The following DIS3 variants were observed in gnomAD, a reference collection of about 807,000 sequenced individuals.
The protein encoded by DIS3 is DIS3 exosome endoribonuclease and 3'-5' exoribonuclease.
A neutral mutation model predicts 113.0 loss-of-function variants in DIS3; 103 were observed. The observed-to-expected ratio is 0.91, with a 90% CI of 0.78 to 1.07. The LOEUF (loss-of-function observed/expected upper bound fraction) is 1.07, where lower values mean the gene tolerates loss of function less well. Ranked by LOEUF, DIS3 falls within the 50% of genes least tolerant of loss-of-function variation. The pLI is 0.00. For missense variants in DIS3, 1,121 were observed against 1,167.1 expected (o/e 0.96, Z 0.58); for synonymous variants, 402 against 394.3 (o/e 1.02, Z -0.23).
rs1346015018 is a variant in DIS3, at chr13:72,781,329, A to G, written c.228+276T>C. ...CGCAGGCTGGAGGCCACAGAAGCCC[A>G]GGTCCCCGGCCTCCAGGCACTTACA... On this transcript the variant is annotated intron_variant, in intron 1 of 20. Coordinates refer to ENST00000377767, the MANE Select transcript of DIS3 (RefSeq NM_014953.5). 1.5e-5 allele frequency: 23 copies of G among 1,551,254 alleles called. No individual in the cohort carries two copies. In the East Asian group the frequency reaches 5.6e-4, roughly 38 times the overall value.
rs760604024 is a variant in DIS3, at chr13:72,781,676, G to T, written c.157C>A (p.Gln53Lys). ...GGGCAGACGCTGCTCGCCGGGTCCT[G>T]GGGCTGCGGCTCCAGGGCCGGCCCC... Reference protein sequence around the residue: ...HEGPALEPQPQDPASSVCPQP... With the variant: ...HEGPALEPQPKDPASSVCPQP... Residue 53 changes from glutamine (Q) to lysine (K), a missense_variant, in exon 1 of 21, where the codon CAG becomes AAG. Transcript: ENST00000377767. 1.3e-6 allele frequency: 2 copies of T among 1,551,990 alleles called. No individual in the cohort carries two copies. The highest frequency in any genetic ancestry group is 2.7e-5 in the African/African-American group (2 of 73,366).
chr13:72,760,222 C>G (rs1321616310), intron 20 of DIS3, among the ~76,000 whole-genome samples: 4 of 152,138 alleles, frequency 2.6e-5, no homozygotes, highest in Non-Finnish European at 4.4e-5. Context: ...GAACCAGTAT[C>G]TTAGGTGAAA....
intron 15 of DIS3, 93 bp downstream of exon 15, chr13:72,765,879 T>C (rs970337213): frequency 5.9e-6 from 5 of 843,910 alleles, no homozygotes; most frequent in East Asian, 5.8e-5. Flanking sequence ...ATCATTATTT[T>C]GTATATAAAC....
chr13:72,771,521 T>C (rs1179296064), intron 11 of DIS3, among the ~76,000 whole-genome samples: 7 of 152,160 alleles, frequency 4.6e-5, no homozygotes, highest in Non-Finnish European at 8.8e-5. Context: ...AAGGTGTTTT[T>C]AAAATACTAA....
In DIS3 at chr13:72,762,421, G is replaced by GA. The variant is rs763488759; in HGVS notation, c.2128-285dup. Among the ~76,000 whole-genome samples, 5 of 152,232 alleles carry GA rather than the reference G, an allele frequency of 3.3e-5. No homozygotes were observed. The East Asian group carries it at 5.8e-4, about 18-fold the overall frequency. ...CTTTGGAAGAAATAAGACAATGAAGGAAAAAATCCCTATTTACAGATTAAG... is the reference window on the plus strand; with the variant it reads ...CTTTGGAAGAAATAAGACAATGAAGGAAAAAAATCCCTATTTACAGATTAAG... On this transcript the variant is annotated intron_variant, in intron 16 of 20. Transcript: ENST00000377767.
At position 72,755,084 on chromosome 13, in the gene DIS3, C is replaced by G; in HGVS notation, c.*4711G>C. On this transcript the variant is annotated 3_prime_UTR_variant, in exon 21 of 21. Coordinates refer to ENST00000377767, the MANE Select transcript of DIS3 (RefSeq NM_014953.5). The stretch of plus-strand genomic sequence containing the variant: ...CGTGCTTTTAGGTTTTAAAAACAGT[C>G]CCGATAATTGCATCCTCCAGTGGTC... The G allele has an allele frequency of 7.4e-7, 1 of 1,356,212 alleles. No homozygotes were observed. The highest frequency in any genetic ancestry group is 1.1e-6 in the Non-Finnish European group (1 of 950,538). 84.0% of individuals were successfully genotyped at this position (1,356,212 alleles called of 1,614,324 possible).
At chr13:72,771,661 C>T (rs192919075) in intron 11 of DIS3, 134 bp downstream of exon 11, 15 of 756,386 alleles carry the variant, frequency 2.0e-5, no homozygotes, top group East Asian at 1.1e-4. Flanking sequence ...TTGAACCACT[C>T]GATAACAAAA....
In DIS3 at chr13:72,776,030, T is replaced by G; in HGVS notation, c.717A>C (p.Gln239His). ...SEHLPLSKLQ[Q>H]GIKSGTYLQG... ...GAAGGTATGTACCAGATTTTATGCC[T>G]TGCTGTAGCTTACTTAAGGGAAGAT... The change falls in exon 5 of 21, where the codon CAA becomes CAC. Residue 239 changes from glutamine to histidine, a missense_variant. Gln to His is a conservative substitution (Grantham distance 24). This residue lies in a region of DIS3 where 861 missense variants were observed against 915.5 expected (regional missense o/e 0.94). Transcript: ENST00000377767. 1 of 1,609,070 alleles carries G rather than the reference T, an allele frequency of 6.2e-7. No individual in the cohort carries two copies. The highest frequency in any genetic ancestry group is 1.1e-5 in the South Asian group (1 of 89,582).
At chr13:72,764,988 A>G (rs1412458318) in intron 15 of DIS3, among the ~76,000 whole-genome samples, 1 of 152,200 alleles carries the variant, frequency 6.6e-6, no homozygotes, top group Admixed American at 6.5e-5. Context: ...ACGCAAGCAC[A>G]TATTTACTCT....
At chr13:72,771,714 T>A in intron 11 of DIS3, 81 bp downstream of exon 11, 1 of 1,343,578 alleles carries the variant, frequency 7.4e-7, no homozygotes, top group Non-Finnish European at 1.0e-6. Flanking sequence ...TTATTCCATG[T>A]ATTTTTCTTA....
At position 72,760,741 on chromosome 13, in the gene DIS3, G is replaced by A. The variant is rs1214969143; in HGVS notation, c.2671-90C>T. The A allele has an allele frequency of 4.8e-6, 7 of 1,443,358 alleles. No individual in the cohort carries two copies. The African/African-American group carries it at 7.2e-5, about 15-fold the overall frequency. The allele number at this position is 1,443,358 out of a possible 1,614,324, so 89.4% of individuals were successfully genotyped here. ...TTACAATTTATCTTACATAGTAGAAGTTTAAATATAAAAATTAGTAAGCAT... is the reference window on the plus strand; with the variant it reads ...TTACAATTTATCTTACATAGTAGAAATTTAAATATAAAAATTAGTAAGCAT... On this transcript the variant is annotated intron_variant, in intron 19 of 20. Transcript: ENST00000377767.
In DIS3 at chr13:72,772,859, T is replaced by C. The variant is rs776878655; in HGVS notation, c.1240-20A>G. On this transcript the variant is annotated intron_variant, in intron 8 of 20. Transcript: ENST00000377767. ...GTGTCCCTGAAACCAAGAGGCATTA[T>C]TAGAAACGCCTATTTTATAGCAAAT... is the stretch of plus-strand genomic sequence containing the variant. 7.0e-6 allele frequency: 11 copies of C among 1,570,990 alleles called. No individual in the cohort carries two copies. The highest frequency in any genetic ancestry group is 2.3e-5 in the East Asian group (1 of 44,046).
At chr13:72,778,691 T>C (rs538404021) in intron 2 of DIS3, among the ~76,000 whole-genome samples, 4 of 152,292 alleles carry the variant, frequency 2.6e-5, no homozygotes, top group African/African-American at 9.6e-5. Flanking sequence ...CACTAAATAA[T>C]AGTTTGTTGA....
intron 5 of DIS3, among the ~76,000 whole-genome samples, 158 bp from the exon 6 acceptor site, chr13:72,775,533 C>T (rs2033993099): frequency 6.6e-6 from 1 of 152,014 alleles, no homozygotes; most frequent in Non-Finnish European, 1.5e-5. Context: ...TCCCTAATTC[C>T]ACAACTTTAA....
chr13:72,776,632 A>G (rs2034024044), intron 4 of DIS3, among the ~76,000 whole-genome samples: 1 of 152,202 alleles, frequency 6.6e-6, no homozygotes, highest in Non-Finnish European at 1.5e-5. Flanking sequence ...ACTAGGATGA[A>G]AATTGTATTA....
At chr13:72,780,303 G>A (rs1412982261) in intron 2 of DIS3, among the ~76,000 whole-genome samples, 2 of 136,876 alleles carry the variant, frequency 1.5e-5, no homozygotes, top group Non-Finnish European at 3.1e-5. Flanking sequence ...TCCAGCCTGG[G>A]TGACAGAGTG....
Position 72,753,020 on chromosome 13 carries a change from GC to G in DIS3, c.*6774del, listed in dbSNP as rs2033320278. The stretch of plus-strand genomic sequence containing the variant: ...CACTGGATGACATTGTGAAAGTTAA[GC>G]TTTTTAAGCCTTAATTTCCTTCTCT... On this transcript the variant is annotated 3_prime_UTR_variant, in exon 21 of 21. Transcript: ENST00000377767. The G allele has an allele frequency of 6.6e-6, 1 of 152,166 alleles. No individual in the cohort carries two copies. Among genetic ancestry groups the G allele is most frequent in the African/African-American group, 2.4e-5 (1 of 41,430 alleles). The allele number at this position is 152,166 out of a possible 1,614,324, so 9.4% of individuals were successfully genotyped here.
In DIS3 at chr13:72,755,126, C is replaced by T; in HGVS notation, c.*4669G>A. ...CCAGTGGTCCTACTTAAACTGAAAA[C>T]AAGGTATTGTCTTCTTTTTCACAGC... On this transcript the variant is annotated 3_prime_UTR_variant, in exon 21 of 21. Transcript: ENST00000377767. 6.2e-7 allele frequency: 1 copy of T among 1,607,366 alleles called. No individual in the cohort carries two copies. The highest frequency in any genetic ancestry group is 8.5e-7 in the Non-Finnish European group (1 of 1,174,524).
intron 2 of DIS3, 84 bp downstream of exon 2, chr13:72,780,762 A>C (rs1227005330): frequency 8.0e-7 from 1 of 1,247,516 alleles, no homozygotes; most frequent in East Asian, 2.3e-5. Context: ...TCTTCTGACA[A>C]TGTCATAAAT....
Sources: gnomAD v4.1 joint callset for allele counts (sites outside exome capture counted in the v4.1 genomes callset) on GRCh38, gnomAD v4.1.1 for gene constraint, gnomAD v4.1.1 regional missense constraint, MANE v1.5 for transcripts, NCBI Gene and HGNC (gene_info 2026-07-23, HGNC 2026-07-21) for gene names.